Variants in PUDP observed in about 807,000 individuals in gnomAD.
PUDP encodes pseudouridine 5'-phosphatase, also known as pseudouridine-5'-phosphatase.
Under a neutral mutation model 9.4 loss-of-function variants are expected in PUDP, and 8 were observed. The observed-to-expected ratio is 0.85, with a 90% confidence interval of 0.50 to 1.53. The LOEUF (loss-of-function observed/expected upper bound fraction) is 1.53, where lower values mean the gene tolerates loss of function less well. Among genes scored for constraint, PUDP ranks in the 40% most tolerant of loss-of-function variants. PUDP has a pLI of 0.00. For synonymous variants in PUDP, 99 were observed against 80.7 expected (o/e 1.23, Z -1.22); for missense variants, 188 against 189.7 (o/e 0.99, Z 0.05).
At chrX:6,816,811 T>C (rs961921109) in intron 3 of PUDP, among the ~76,000 whole-genome samples, 2 of 94,168 alleles carry the variant, frequency 2.1e-5, no homozygotes, top group Non-Finnish European at 4.1e-5. Flanking sequence ...ACAATATATA[T>C]ACACATACAG....
rs34053950 is a variant in PUDP at position 6,731,803 on chromosome X, C to CGGAA, written c.*248-25341_*248-25338dup. On this transcript the variant is annotated intron_variant and NMD_transcript_variant, in intron 3 of 3. Transcript: ENST00000655425. ...GAAAAGGGAAGGAGGGAAGGGACGGCGGAAGGAAGGAAGGAAGGAAGGCCA... is the reference window on the plus strand; with the variant it reads ...GAAAAGGGAAGGAGGGAAGGGACGGCGGAAGGAAGGAAGGAAGGAAGGAAGGCCA... Among the ~76,000 whole-genome samples the CGGAA allele has an allele frequency of 2.4e-3, 247 of 104,025 alleles. 1 individual carries two copies. Among genetic ancestry groups the CGGAA allele is most frequent in the African/African-American group, 8.2e-3 (220 of 26,971 alleles). 90.3% of individuals were successfully genotyped at this position (104,025 alleles called of 115,157 possible).
Position 7,066,237 on chromosome X carries a change from G to A in PUDP, c.510+10983C>T, listed in dbSNP as rs970744237. Among the ~76,000 whole-genome samples, 3 of 111,667 alleles carry A rather than the reference G, an allele frequency of 2.7e-5. No individual in the cohort carries two copies. The Admixed American group carries it at 2.9e-4, about 11-fold the overall frequency. On this transcript the variant is annotated intron_variant, in intron 3 of 3. Transcript: ENST00000381077. The stretch of plus-strand genomic sequence containing the variant: ...AATGAAATGCCCCGAGTAGGGTAGT[G>A]GCATTTGTACTAATAGTGGCTACTA...
intron 3 of PUDP, among the ~76,000 whole-genome samples, chrX:6,808,121 T>A (rs1361553806): frequency 9.0e-6 from 1 of 111,283 alleles, no homozygotes; most frequent in Non-Finnish European, 1.9e-5. Context: ...CATTGTTTAT[T>A]AGTAGCATGA....
chrX:6,816,120 T>C (rs750409128), intron 3 of PUDP, among the ~76,000 whole-genome samples: 1 of 106,497 alleles, frequency 9.4e-6, no homozygotes, highest in East Asian at 3.0e-4. Flanking sequence ...TAAACATGAA[T>C]AAACATAAAC....
At chrX:7,127,370 G>A (rs756754007) in intron 1 of PUDP, among the ~76,000 whole-genome samples, 1 of 112,183 alleles carries the variant, frequency 8.9e-6, no homozygotes, top group African/African-American at 3.2e-5. Flanking sequence ...AGGTGTTACT[G>A]TCAGTCAAAC....
At position 7,027,017 on chromosome X, in the gene PUDP, CA is replaced by C. The variant is rs200867476; in HGVS notation, c.205-48675del. ...TCCTCAGGAAACTTAATTATCCCGC[CA>C]ATGCTCACCAGCTGGAGTTTGACTT... On this transcript the variant is annotated intron_variant and NMD_transcript_variant, in intron 1 of 3. Coordinates refer to the PUDP transcript ENST00000655425. Among the ~76,000 whole-genome samples, 979 of 111,401 alleles carry C rather than the reference CA, an allele frequency of 8.8e-3. 9 individuals are homozygous for C. Among genetic ancestry groups the C allele is most frequent in the African/African-American group, 0.03 (909 of 30,610 alleles).
intron 3 of PUDP, among the ~76,000 whole-genome samples, chrX:6,901,071 C>T (rs1337336072): frequency 2.7e-5 from 3 of 111,490 alleles, no homozygotes; most frequent in Non-Finnish European, 3.8e-5. Flanking sequence ...CCACTGCGCC[C>T]GGCCGACCAA....
In PUDP at chrX:6,740,082, C is replaced by T. The variant is rs745307568; in HGVS notation, c.*248-33616G>A. ...ATTCCTTTAGGGTGATCAACTCATC[C>T]TGGTTTGCCCAATACTGTCACAATT... On this transcript the variant is annotated intron_variant and NMD_transcript_variant, in intron 3 of 3. Coordinates refer to the PUDP transcript ENST00000655425. 3.6e-5 allele frequency among the ~76,000 whole-genome samples: 4 copies of T among 111,557 alleles called. No homozygotes were observed. The South Asian group carries it at 1.5e-3, about 42-fold the overall frequency.
chrX:6,960,842 T>C (rs899988351), intron 3 of PUDP, among the ~76,000 whole-genome samples: 1 of 110,957 alleles, frequency 9.0e-6, no homozygotes, highest in Admixed American at 9.7e-5. Flanking sequence ...AGACAGTAAA[T>C]ATTTTAGGCG....
At chrX:6,921,160 G>A (rs1382528466) in intron 3 of PUDP, among the ~76,000 whole-genome samples, 2 of 110,819 alleles carry the variant, frequency 1.8e-5, no homozygotes, top group African/African-American at 3.3e-5. Context: ...GAGGTGGGAG[G>A]ATCACTTGAG....
chrX:7,064,683 T>C (rs925482936), intron 3 of PUDP, among the ~76,000 whole-genome samples: 8 of 111,441 alleles, frequency 7.2e-5, no homozygotes, highest in Non-Finnish European at 1.1e-4. Context: ...ACAGAGCCCC[T>C]TGACTCCTGG....
At chrX:7,035,336 T>A (rs1602723088) in intron 1 of PUDP, among the ~76,000 whole-genome samples, 1 of 112,092 alleles carries the variant, frequency 8.9e-6, no homozygotes, top group East Asian at 2.8e-4. Context: ...ATTAACCACT[T>A]ATGCAATTAT....
chrX:6,778,935 A>C (rs1244627528), intron 3 of PUDP, among the ~76,000 whole-genome samples: 1 of 112,250 alleles, frequency 8.9e-6, no homozygotes, highest in Non-Finnish European at 1.9e-5. Flanking sequence ...TCAAGAATGC[A>C]GGAGTGCGGC....
intron 2 of PUDP, among the ~76,000 whole-genome samples, chrX:7,080,300 C>G (rs1366411574): frequency 8.9e-6 from 1 of 112,288 alleles, no homozygotes; most frequent in Non-Finnish European, 1.9e-5. Context: ...TAGCCTTCTG[C>G]CTATGAAAGG....
chrX:6,851,062 T>C (rs1446463349), intron 3 of PUDP, among the ~76,000 whole-genome samples: 1 of 112,279 alleles, frequency 8.9e-6, no homozygotes, highest in Non-Finnish European at 1.9e-5. Flanking sequence ...TAAATATATA[T>C]TTGAAATCTC....
intron 3 of PUDP, among the ~76,000 whole-genome samples, chrX:6,752,522 T>C (rs770018876): frequency 8.9e-6 from 1 of 111,791 alleles, no homozygotes; most frequent in South Asian, 3.8e-4. Flanking sequence ...TAGGAAACTG[T>C]AGAGACAGGA....
At chrX:6,772,468 C>G (rs558922951) in intron 3 of PUDP, among the ~76,000 whole-genome samples, 21 of 110,499 alleles carry the variant, frequency 1.9e-4, no homozygotes, top group African/African-American at 6.6e-4. Context: ...TCTCCATCAC[C>G]TCAACACTAT....
intron 3 of PUDP, among the ~76,000 whole-genome samples, chrX:6,904,608 G>C (rs755286915): frequency 2.7e-5 from 3 of 111,876 alleles, no homozygotes; most frequent in African/African-American, 9.7e-5. Flanking sequence ...AATGGGGAGA[G>C]GTTTGTACTC....
intron 3 of PUDP, among the ~76,000 whole-genome samples, chrX:6,889,482 T>A (rs1172152722): frequency 1.8e-5 from 2 of 111,775 alleles, no homozygotes; most frequent in East Asian, 2.8e-4. Context: ...TTTTCCTTTA[T>A]CTTTCTATTG....
Sources: allele counts gnomAD v4.1 joint callset (sites outside exome capture counted in the v4.1 genomes callset), GRCh38; gene constraint gnomAD v4.1.1; transcripts MANE v1.5; gene names NCBI Gene and HGNC (gene_info 2026-07-23, HGNC 2026-07-21).